The following SLMAP variants were observed in gnomAD, a reference collection of about 807,000 sequenced individuals.
The protein encoded by SLMAP is sarcolemma associated protein.
A neutral mutation model predicts 128.8 loss-of-function variants in SLMAP; 44 were observed. The ratio of observed to expected loss-of-function variants is 0.34; its 90% CI spans 0.27 to 0.44. SLMAP has a LOEUF of 0.44. Among genes scored for constraint, SLMAP ranks in the 20% least tolerant of loss-of-function variants. The pLI is 1.00. For missense variants in SLMAP, 787 were observed against 985.3 expected (o/e 0.80, Z 2.69); for synonymous variants, 327 against 348.8 (o/e 0.94, Z 0.70).
chr3:57,760,471 G>A (rs1007317087), intron 2 of SLMAP, among the ~76,000 whole-genome samples: 2 of 152,130 alleles, frequency 1.3e-5, no homozygotes, highest in African/African-American at 2.4e-5. Flanking sequence ...ACTATTTAAA[G>A]TTTTGGTTTG....
chr3:57,761,620 G>A (rs1454563009), intron 2 of SLMAP, among the ~76,000 whole-genome samples: 1 of 152,106 alleles, frequency 6.6e-6, no homozygotes, highest in East Asian at 1.9e-4. Flanking sequence ...AATTGAAACT[G>A]ATGTAGTTGA....
chr3:57,837,079 G>A (rs970646056), intron 3 of SLMAP, among the ~76,000 whole-genome samples: 10 of 152,218 alleles, frequency 6.6e-5, no homozygotes, highest in African/African-American at 2.4e-4. Context: ...CAACTGCACT[G>A]AATTACTTTT....
intron 15 of SLMAP, among the ~76,000 whole-genome samples, chr3:57,893,837 G>A (rs138961393): frequency 2.0e-5 from 3 of 152,272 alleles, no homozygotes; most frequent in African/African-American, 7.2e-5. Flanking sequence ...AGCGGTCACA[G>A]ATTAGATTCC....
intron 2 of SLMAP, among the ~76,000 whole-genome samples, chr3:57,781,703 T>A (rs573147212): frequency 1.9e-4 from 29 of 152,004 alleles, no homozygotes; most frequent in African/African-American, 7.0e-4. Context: ...CTATACAAGC[T>A]ATTCTAAGTA....
chr3:57,863,137 A>T (rs905705435), intron 10 of SLMAP, among the ~76,000 whole-genome samples: 3 of 152,196 alleles, frequency 2.0e-5, no homozygotes, highest in African/African-American at 7.2e-5. Flanking sequence ...TCTGGGAATG[A>T]TCTCCCTTTT....
At chr3:57,909,872 A>G (rs2096652970) in intron 19 of SLMAP, among the ~76,000 whole-genome samples, 2 of 151,016 alleles carry the variant, frequency 1.3e-5, no homozygotes, top group South Asian at 2.1e-4. Context: ...TTGGCCTCCC[A>G]AAGTGCTGGG....
intron 2 of SLMAP, among the ~76,000 whole-genome samples, chr3:57,780,209 T>C (rs2082743292): frequency 6.6e-6 from 1 of 151,646 alleles, no homozygotes; most frequent in Admixed American, 6.6e-5. Flanking sequence ...TGCAGTGGCA[T>C]GATCACTGCT....
intron 2 of SLMAP, among the ~76,000 whole-genome samples, chr3:57,814,340 T>C (rs2091536596): frequency 6.6e-6 from 1 of 151,946 alleles, no homozygotes; most frequent in Non-Finnish European, 1.5e-5. Context: ...AGGGTCTCAC[T>C]TTGTTGCCCA....
At chr3:57,786,784 A>C (rs2084270207) in intron 2 of SLMAP, among the ~76,000 whole-genome samples, 1 of 135,790 alleles carries the variant, frequency 7.4e-6, no homozygotes, top group East Asian at 2.1e-4. Context: ...CCCAGGCTGG[A>C]GTGCAGTGGT....
Position 57,831,390 on chromosome 3 carries a change from T to C in SLMAP, c.206T>C (p.Leu69Pro). ...TTTTGTTTTTTTTTGCAGTTTTATC[T>C]TCAAGACACTAAAAGTAGTAATGGT... is the stretch of plus-strand genomic sequence containing the variant. ...WFDHKTGKFY[L>P]QDTKSSNGTF... Residue 69 changes from leucine to proline, a missense_variant, in exon 3 of 25, where the codon CTT (leucine) becomes CCT (proline). This residue lies in a region of SLMAP where 72 missense variants were observed against 141.8 expected (regional missense o/e 0.51). Coordinates refer to ENST00000671191, the MANE Select transcript of SLMAP (RefSeq NM_001377540.1). The C allele has an allele frequency of 6.6e-7, 1 of 1,519,264 alleles. No homozygotes were observed. Among genetic ancestry groups the C allele is most frequent in the East Asian group, 2.4e-5 (1 of 42,050 alleles). 94.1% of individuals were successfully genotyped at this position (1,519,264 alleles called of 1,614,324 possible). A position where few individuals can be genotyped will look rare whatever the true frequency, so the allele number is the denominator to read the frequency against.
intron 22 of SLMAP, among the ~76,000 whole-genome samples, chr3:57,921,397 C>G (rs1269664829): frequency 6.6e-6 from 1 of 152,078 alleles, no homozygotes; most frequent in East Asian, 1.9e-4. Context: ...GAGGCTGAAG[C>G]AGGTGGATCA....
At chr3:57,830,816 A>G (rs988015725) in intron 2 of SLMAP, among the ~76,000 whole-genome samples, 12 of 152,210 alleles carry the variant, frequency 7.9e-5, no homozygotes, top group Admixed American at 3.3e-4. Flanking sequence ...TATAAAATGA[A>G]TCATTATAAT....
chr3:57,809,527 A>G (rs9877012), intron 2 of SLMAP, among the ~76,000 whole-genome samples: 38,152 of 152,124 alleles, frequency 0.25, 5,271 homozygotes, highest in East Asian at 0.48. Flanking sequence ...CTTGGCACCT[A>G]CAGCCTGGGC....
chr3:57,777,299 T>TAGAAGA (rs959131551), intron 2 of SLMAP, among the ~76,000 whole-genome samples: 3 of 152,064 alleles, frequency 2.0e-5, no homozygotes, highest in African/African-American at 7.2e-5. Context: ...AAAAACCTCT[T>TAGAAGA]AGAAGAAGAT....
intron 6 of SLMAP, among the ~76,000 whole-genome samples, chr3:57,854,008 TAA>T (rs2094637613): frequency 9.3e-6 from 1 of 107,836 alleles, no homozygotes; most frequent in Non-Finnish European, 1.9e-5. Flanking sequence ...TATTTACATA[TAA>T]TATATATTAT....
intron 8 of SLMAP, among the ~76,000 whole-genome samples, chr3:57,859,355 G>A (rs1180813552): frequency 2.0e-5 from 3 of 150,314 alleles, no homozygotes; most frequent in African/African-American, 7.3e-5. Context: ...GGCAGTTTGA[G>A]ACCAGTATGG....
intron 14 of SLMAP, among the ~76,000 whole-genome samples, chr3:57,880,013 G>T (rs1341610488): frequency 6.6e-6 from 1 of 151,924 alleles, no homozygotes; most frequent in Non-Finnish European, 1.5e-5. Context: ...GAGAGGAAGG[G>T]ATTTTTATTG....
intron 14 of SLMAP, among the ~76,000 whole-genome samples, chr3:57,886,777 C>A: frequency 6.6e-6 from 1 of 151,198 alleles, no homozygotes. Flanking sequence ...AAAAATGCAC[C>A]GAGTACTTAG....
intron 17 of SLMAP, among the ~76,000 whole-genome samples, chr3:57,906,332 T>TTTTTTTTTTTTTTTTTTC (rs1491216777): frequency 1.5e-5 from 2 of 136,954 alleles, no homozygotes; most frequent in Admixed American, 1.6e-4. Flanking sequence ...TTTTTTTTTT[T>TTTTTTTTTTTTTTTTTTC]AGAGACACAG....
Sources: allele counts gnomAD v4.1 joint callset (sites outside exome capture counted in the v4.1 genomes callset), GRCh38; gene constraint gnomAD v4.1.1; regional missense constraint gnomAD v4.1.1; transcripts MANE v1.5; gene names NCBI Gene and HGNC (gene_info 2026-07-23, HGNC 2026-07-21).